Variants in ELAVL1 observed in about 807,000 individuals in gnomAD.
ELAVL1 encodes the protein ELAV-like protein 1.
In ELAVL1, 1 loss-of-function variant was observed where a neutral mutation model predicts 28.4. The observed-to-expected ratio is 0.04, with a 90% CI of 0.01 to 0.17. ELAVL1 has a LOEUF of 0.17. Among genes scored for constraint, ELAVL1 ranks in the 10% least tolerant of loss-of-function variants. ELAVL1 has a pLI of 1.00. For synonymous variants in ELAVL1, 174 were observed against 183.5 expected, an observed-to-expected ratio of 0.95 and a Z score of 0.42; for missense variants, 157 against 447.2, an observed-to-expected ratio of 0.35 and a Z score of 5.85.
At chr19:7,978,378 G>C (rs372090198) in intron 3 of ELAVL1, among the ~76,000 whole-genome samples, 4 of 152,266 alleles carry the variant, frequency 2.6e-5, no homozygotes, top group South Asian at 4.1e-4. Context: ...GACCTCCAGG[G>C]TGGGGGAGGG....
In ELAVL1 at chr19:7,982,286, T is replaced by A. The variant is rs967493257; in HGVS notation, c.173-1100A>T. 3.4e-4 allele frequency among the ~76,000 whole-genome samples: 52 copies of A among 152,212 alleles called. 2 individuals carry two copies. Among genetic ancestry groups the A allele is most frequent in the Admixed American group, 1.3e-4 (2 of 15,288 alleles). On this transcript the variant is annotated intron_variant, in intron 2 of 5. Coordinates refer to ENST00000407627, the MANE Select transcript of ELAVL1 (RefSeq NM_001419.3). This position sits in a 1 kb window ranked among gnomAD's most constrained non-coding sequence, Gnocchi z 4.3. ...ATCCCCGTCTCCCGCAGCTTATCCATGCACTTGCAAGGCTGCTGAACATCT... is the reference window on the plus strand; with the variant it reads ...ATCCCCGTCTCCCGCAGCTTATCCAAGCACTTGCAAGGCTGCTGAACATCT...
chr19:7,976,055 T>C (rs558035903), intron 3 of ELAVL1, among the ~76,000 whole-genome samples: 17 of 150,506 alleles, frequency 1.1e-4, no homozygotes, highest in African/African-American at 4.2e-4. Flanking sequence ...ATCACATCAC[T>C]GCAGTCCAGC....
At chr19:7,994,321 C>G (rs1425386259) in intron 1 of ELAVL1, among the ~76,000 whole-genome samples, 3 of 152,194 alleles carry the variant, frequency 2.0e-5, no homozygotes, top group African/African-American at 7.2e-5. Context: ...GCTACTGACA[C>G]CTGGTGGGTA....
rs1288388142 is a variant in ELAVL1, at chr19:7,987,137, C to T, written c.172+4507G>A. Among the ~76,000 whole-genome samples the T allele has an allele frequency of 5.0e-5, 4 of 79,778 alleles. No homozygotes were observed. In the East Asian group the frequency reaches 1.3e-3, roughly 25 times the overall value. 52.3% of individuals were successfully genotyped at this position (79,778 alleles called of 152,430 possible). ...GTGCCGGGGGGGGGGGAGGGTGCAG[C>T]AAGTGGGGAGAGGGGGCAGGCGCCC... On this transcript the variant is annotated intron_variant, in intron 2 of 5. Transcript: ENST00000407627.
chr19:7,973,985 C>A (rs908781515), intron 3 of ELAVL1, 107 bp from the exon 4 acceptor site: 1 of 1,395,226 alleles, frequency 7.2e-7, no homozygotes, highest in African/African-American at 1.4e-5. Flanking sequence ...TGTTAGAAAT[C>A]ATGCAGGGAA....
At position 7,963,414 on chromosome 19, in the gene ELAVL1, A is replaced by G. The variant is rs1984865891; in HGVS notation, c.*69T>C. On this transcript the variant is annotated 3_prime_UTR_variant, in exon 6 of 6. Coordinates refer to ENST00000407627, the MANE Select transcript of ELAVL1 (RefSeq NM_001419.3). The surrounding 1 kb of genome is among the most constrained non-coding windows in gnomAD (Gnocchi z 4.5). ...AAAATTGGCGCAAAATGAGTTGTAC[A>G]CTAACAAGAAAAGTTTCAACTCCTT... 6.6e-7 allele frequency: 1 copy of G among 1,522,456 alleles called. No homozygotes were observed. The highest frequency in any genetic ancestry group is 1.8e-4 in the Middle Eastern group (1 of 5,534). 94.3% of individuals were successfully genotyped at this position (1,522,456 alleles called of 1,614,324 possible).
intron 1 of ELAVL1, among the ~76,000 whole-genome samples, chr19:7,999,964 A>C (rs538909535): frequency 3.4e-4 from 52 of 152,114 alleles, no homozygotes; most frequent in Non-Finnish European, 6.6e-4. Flanking sequence ...TTTAGTAGAG[A>C]CAGGGTTTCA....
At chr19:7,991,380 C>T (rs1985749038) in intron 2 of ELAVL1, among the ~76,000 whole-genome samples, 1 of 152,242 alleles carries the variant, frequency 6.6e-6, no homozygotes, top group East Asian at 1.9e-4. Context: ...AATGCCCTGT[C>T]TCTGGTTCCT....
In ELAVL1 at chr19:7,993,997, C is replaced by A. The variant is rs571739935; in HGVS notation, c.-16-2166G>T. ...TCTCAGACAATGTGGAAAATCAGTA[C>A]AATTTCCTAACATTTCTTTTATTTG... On this transcript the variant is annotated intron_variant, in intron 1 of 5. Transcript: ENST00000407627. Among the ~76,000 whole-genome samples the A allele has an allele frequency of 6.6e-5, 10 of 152,304 alleles. No individual in the cohort carries two copies. The South Asian group carries it at 1.2e-3, about 19-fold the overall frequency.
intron 4 of ELAVL1, 50 bp downstream of exon 4, chr19:7,973,675 G>GC: frequency 1.3e-6 from 2 of 1,578,782 alleles, no homozygotes; most frequent in Non-Finnish European, 1.7e-6. Context: ...AGAAAACCCA[G>GC]CCCCCACCTA....
intron 4 of ELAVL1, 175 bp downstream of exon 4, chr19:7,973,550 C>G: frequency 1.3e-6 from 1 of 776,148 alleles, no homozygotes; most frequent in South Asian, 2.0e-5. Flanking sequence ...TCTTTTAATG[C>G]CATCTTACCT....
chr19:7,977,860 A>G (rs1985346206), intron 3 of ELAVL1, among the ~76,000 whole-genome samples: 1 of 152,250 alleles, frequency 6.6e-6, no homozygotes, highest in Non-Finnish European at 1.5e-5. Flanking sequence ...GCCAGCCTGC[A>G]GTTCCCATGA....
At position 7,962,397 on chromosome 19, in the gene ELAVL1, A is replaced by G. The variant is rs376162509; in HGVS notation, c.*1086T>C. 2.3e-4 allele frequency: 35 copies of G among 152,912 alleles called. No individual in the cohort carries two copies. The East Asian group carries it at 5.6e-3, about 24-fold the overall frequency. The allele number at this position is 152,912 out of a possible 1,614,324, so 9.5% of individuals were successfully genotyped here. Reference sequence around the variant, plus strand: ...CCAAAATGTCAAGGCAGTTATGAAGAGAACTTTGAGGGTTAATCTTTAAAA... The same window carrying G: ...CCAAAATGTCAAGGCAGTTATGAAGGGAACTTTGAGGGTTAATCTTTAAAA... On this transcript the variant is annotated 3_prime_UTR_variant, in exon 6 of 6. Coordinates refer to ENST00000407627, the MANE Select transcript of ELAVL1 (RefSeq NM_001419.3).
rs1164684672 is a variant in ELAVL1, at chr19:7,979,010, C to T, written c.276+2073G>A. Among the ~76,000 whole-genome samples the T allele has an allele frequency of 6.6e-6, 1 of 152,220 alleles. No individual in the cohort carries two copies. Among genetic ancestry groups the T allele is most frequent in the African/African-American group, 2.4e-5 (1 of 41,460 alleles). Reference sequence around the variant, plus strand: ...CCGAAGTCCCTCAGTATCAACGTATCTGGCCCAGCACCACACTGGCCAGGG... The same window carrying T: ...CCGAAGTCCCTCAGTATCAACGTATTTGGCCCAGCACCACACTGGCCAGGG... On this transcript the variant is annotated intron_variant, in intron 3 of 5. Transcript: ENST00000407627. This position sits in a 1 kb window ranked among gnomAD's most constrained non-coding sequence, Gnocchi z 5.4.
intron 1 of ELAVL1, among the ~76,000 whole-genome samples, chr19:7,999,746 C>A (rs1278383667): frequency 6.6e-6 from 1 of 152,066 alleles, no homozygotes; most frequent in Non-Finnish European, 1.5e-5. Flanking sequence ...CTACGTAGTC[C>A]TACTAAGTCC....
At chr19:7,978,562 T>A (rs1382848706) in intron 3 of ELAVL1, among the ~76,000 whole-genome samples, 1 of 152,182 alleles carries the variant, frequency 6.6e-6, no homozygotes, top group Non-Finnish European at 1.5e-5. Context: ...TGCAGACATG[T>A]GAGCTCTGTG....
intron 3 of ELAVL1, among the ~76,000 whole-genome samples, chr19:7,976,208 C>G: frequency 6.6e-6 from 1 of 151,552 alleles, no homozygotes; most frequent in African/African-American, 2.4e-5. Context: ...CGAGACCATC[C>G]TGGCTAACAT....
chr19:8,002,105 AC>A (rs2081070039), intron 1 of ELAVL1: 1 of 1,289,302 alleles, frequency 7.8e-7, no homozygotes, highest in East Asian at 5.5e-5. Context: ...CACTCCTGCC[AC>A]CACTACCCAT....
rs776283805 is a variant in ELAVL1 at position 7,960,126 on chromosome 19, C to T, written c.*3357G>A. ...AAATGGCCTTCATTTGGAAGCAAAC[C>T]GGGTCAAGGAATTGCCACTAACCGT... On this transcript the variant is annotated 3_prime_UTR_variant, in exon 6 of 6. Coordinates refer to ENST00000407627, the MANE Select transcript of ELAVL1 (RefSeq NM_001419.3). 6.6e-6 allele frequency: 1 copy of T among 152,112 alleles called. No individual in the cohort carries two copies. The highest frequency in any genetic ancestry group is 1.9e-4 in the East Asian group (1 of 5,194). The allele number at this position is 152,112 out of a possible 1,614,324, so 9.4% of individuals were successfully genotyped here. A position where few individuals can be genotyped will look rare whatever the true frequency, so the allele number is the denominator to read the frequency against.
Sources: gnomAD v4.1 joint callset for allele counts (sites outside exome capture counted in the v4.1 genomes callset) on GRCh38, gnomAD v4.1.1 for gene constraint, Gnocchi (gnomAD v3.1) non-coding constraint, MANE v1.5 for transcripts, NCBI Gene and HGNC (gene_info 2026-07-23, HGNC 2026-07-21) for gene names.